RIMBP2: variants seen among roughly 807,000 people sequenced by gnomAD.
The protein encoded by RIMBP2 is RIMS-binding protein 2.
In RIMBP2, 48 loss-of-function variants were observed where a neutral mutation model predicts 118.6. The observed-to-expected ratio is 0.40, with a 90% confidence interval of 0.32 to 0.51. The LOEUF (loss-of-function observed/expected upper bound fraction) is 0.51, where lower values mean the gene tolerates loss of function less well. Ranked by LOEUF, RIMBP2 falls within the 20% of genes least tolerant of loss-of-function variation. The probability of loss-of-function intolerance (pLI) is 0.41; values close to 1 mark genes in which losing one functional copy is unlikely to be tolerated. For missense variants in RIMBP2, 1,551 were observed against 1,768.3 expected, an observed-to-expected ratio of 0.88 and a Z score of 2.20; for synonymous variants, 762 against 742.9, an observed-to-expected ratio of 1.03 and a Z score of -0.42.
chr12:130,424,716 C>A lies in RIMBP2; in HGVS notation c.2555G>T (p.Gly852Val), dbSNP rs1035428970. The change falls in exon 16 of 23, where the codon GGT becomes GTT. Residue 852 changes from glycine to valine, a missense_variant. By Grantham distance (109) the Gly-to-Val change is moderately radical. Coordinates refer to ENST00000690449, the MANE Select transcript of RIMBP2 (RefSeq NM_001393629.1). This position sits in a 1 kb window ranked among gnomAD's most constrained non-coding sequence, Gnocchi z 9.8. Reference sequence around the variant, plus strand: ...CCTGGCCCTGGGGGACGGCCCTGCACCCTGCTTGTGTAGCAGCCCACAGCA... The same window carrying A: ...CCTGGCCCTGGGGGACGGCCCTGCAACCTGCTTGTGTAGCAGCCCACAGCA... Reference protein sequence around the residue: ...GECCGLLHKQGAGPSPRARTG... With the variant: ...GECCGLLHKQVAGPSPRARTG... The A allele has an allele frequency of 8.1e-7, 1 of 1,232,286 alleles. No individual in the cohort carries two copies. The highest frequency in any genetic ancestry group is 1.5e-5 in the African/African-American group (1 of 64,540). 76.3% of individuals were successfully genotyped at this position (1,232,286 alleles called of 1,614,324 possible).
Position 130,450,318 on chromosome 12 carries a change from G to C in RIMBP2, c.505-42C>G, listed in dbSNP as rs553537131. The C allele has an allele frequency of 9.5e-6, 14 of 1,467,698 alleles. No homozygotes were observed. In the South Asian group the frequency reaches 1.3e-4, roughly 14 times the overall value. 90.9% of individuals were successfully genotyped at this position (1,467,698 alleles called of 1,614,324 possible). A position where few individuals can be genotyped will look rare whatever the true frequency, so the allele number is the denominator to read the frequency against. ...GGGTGTGTGGGTTATTGAAGCTGGA[G>C]GTGTCCCACCCCATTCCCGCGGCAC... is the stretch of plus-strand genomic sequence containing the variant. On this transcript the variant is annotated intron_variant, in intron 8 of 22. Coordinates refer to ENST00000690449, the MANE Select transcript of RIMBP2 (RefSeq NM_001393629.1). This position sits in a 1 kb window ranked among gnomAD's most constrained non-coding sequence, Gnocchi z 4.8.
chr12:130,638,669 C>T (rs1232899263), intron 1 of RIMBP2, among the ~76,000 whole-genome samples: 1 of 152,162 alleles, frequency 6.6e-6, no homozygotes, highest in Non-Finnish European at 1.5e-5. Flanking sequence ...CCCTCCCCAT[C>T]TGTTGTCTTC....
chr12:130,527,449 C>A (rs1353978315), intron 2 of RIMBP2, among the ~76,000 whole-genome samples: 3 of 152,206 alleles, frequency 2.0e-5, no homozygotes, highest in African/African-American at 7.2e-5. Context: ...CAGCATTGCA[C>A]ATATGCCAAT....
At position 130,442,183 on chromosome 12, in the gene RIMBP2, C is replaced by G; in HGVS notation, c.1169G>C (p.Ser390Thr). The change falls in exon 11 of 23, where the codon AGC becomes ACC. Residue 390 changes from serine (S) to threonine (T), a missense_variant. By Grantham distance (58) the Ser-to-Thr change is moderately conservative. Coordinates refer to ENST00000690449, the MANE Select transcript of RIMBP2 (RefSeq NM_001393629.1). The surrounding 1 kb of genome is among the most constrained non-coding windows in gnomAD (Gnocchi z 6.9). ...TYRISVQCVT[S>T]RGSSDELQCT... is the part of the protein sequence containing the mutation. ...CTGCAGCTCATCCGAGCTGCCCCTG[C>G]TGGTGACGCACTGCACGGAGATGCG... is the stretch of plus-strand genomic sequence containing the variant. 1.2e-6 allele frequency: 2 copies of G among 1,614,228 alleles called. No homozygotes were observed. The highest frequency in any genetic ancestry group is 1.7e-6 in the Non-Finnish European group (2 of 1,180,052).
chr12:130,688,705 C>G lies in RIMBP2; in HGVS notation c.-352+27517G>C, dbSNP rs2065177193. Among the ~76,000 whole-genome samples, 1 of 152,218 alleles carries G rather than the reference C, an allele frequency of 6.6e-6. No individual in the cohort carries two copies. Among genetic ancestry groups the G allele is most frequent in the South Asian group, 2.1e-4 (1 of 4,832 alleles). On this transcript the variant is annotated intron_variant, in intron 1 of 22. Coordinates refer to ENST00000690449, the MANE Select transcript of RIMBP2 (RefSeq NM_001393629.1). This position sits in a 1 kb window ranked among gnomAD's most constrained non-coding sequence, Gnocchi z 4.7. ...CAGGCAGGGGGACACTAAAACCCCA[C>G]ATTCTAAAGACCCCAAAACAGAGGC... is the stretch of plus-strand genomic sequence containing the variant.
intron 3 of RIMBP2, among the ~76,000 whole-genome samples, chr12:130,509,054 G>A (rs866070994): frequency 6.2e-4 from 95 of 152,210 alleles, no homozygotes; most frequent in African/African-American, 2.1e-3. Context: ...CCGGCCCCCG[G>A]CCCTCCCCAC....
chr12:130,646,456 CACCTCCCTCGCT>C lies in RIMBP2; in HGVS notation c.-351-18012_-351-18001del, dbSNP rs1476924734. On this transcript the variant is annotated intron_variant, in intron 1 of 22. Coordinates refer to ENST00000690449, the MANE Select transcript of RIMBP2 (RefSeq NM_001393629.1). ...CCACCTCCCTTGCCACCTCCCTCGC[CACCTCCCTCGCT>C]ACCTCCCTCACTACTGCAAAAGGGA... Among the ~76,000 whole-genome samples the C allele has an allele frequency of 7.8e-5, 10 of 127,390 alleles. 4 individuals carry two copies. Among genetic ancestry groups the C allele is most frequent in the African/African-American group, 2.6e-4 (10 of 37,812 alleles). 83.6% of individuals were successfully genotyped at this position (127,390 alleles called of 152,430 possible). A position where few individuals can be genotyped will look rare whatever the true frequency, so the allele number is the denominator to read the frequency against.
intron 1 of RIMBP2, among the ~76,000 whole-genome samples, chr12:130,641,985 G>A (rs1046111890): frequency 2.0e-5 from 3 of 152,074 alleles, no homozygotes; most frequent in Non-Finnish European, 4.4e-5. Flanking sequence ...GAAAACTGAG[G>A]CAACCAGAGG....
intron 20 of RIMBP2, 34 bp downstream of exon 20, chr12:130,407,692 G>A: frequency 6.6e-7 from 1 of 1,519,556 alleles, no homozygotes; most frequent in South Asian, 1.1e-5. Flanking sequence ...GGGTGTGGTT[G>A]TGTCCGTCAT....
chr12:130,546,191 C>A (rs2055143199), intron 2 of RIMBP2, among the ~76,000 whole-genome samples: 2 of 146,762 alleles, frequency 1.4e-5, no homozygotes, highest in African/African-American at 2.5e-5. Flanking sequence ...GCAACCTCTG[C>A]CTCCCAGGTT....
chr12:130,596,738 C>T (rs1240340125), intron 2 of RIMBP2, among the ~76,000 whole-genome samples: 2 of 152,222 alleles, frequency 1.3e-5, no homozygotes, highest in Admixed American at 1.3e-4. Flanking sequence ...CACTGATATT[C>T]CTGTGCCATT....
chr12:130,435,332 C>T (rs948778866), intron 13 of RIMBP2, among the ~76,000 whole-genome samples: 1 of 152,204 alleles, frequency 6.6e-6, no homozygotes, highest in Non-Finnish European at 1.5e-5. Flanking sequence ...GCATGAGCCA[C>T]CGCGTCCAGC....
intron 6 of RIMBP2, among the ~76,000 whole-genome samples, chr12:130,468,116 T>C (rs570614704): frequency 6.6e-6 from 1 of 152,314 alleles, no homozygotes; most frequent in East Asian, 1.9e-4. Flanking sequence ...CCACAGGTGG[T>C]TCTTTGATGG....
chr12:130,468,038 C>T (rs543958556), intron 6 of RIMBP2, among the ~76,000 whole-genome samples: 15 of 152,328 alleles, frequency 9.8e-5, no homozygotes, highest in South Asian at 2.1e-4. Context: ...GTTCTGTCTA[C>T]AGAAAGTCAC....
intron 2 of RIMBP2, among the ~76,000 whole-genome samples, chr12:130,583,589 C>A (rs7398988): frequency 0.83 from 124,422 of 150,702 alleles, 51,321 homozygotes; most frequent in South Asian, 0.88. Flanking sequence ...ACCGTTTCAT[C>A]ATCATCATTA....
chr12:130,556,253 G>A (rs1033818368), intron 2 of RIMBP2, among the ~76,000 whole-genome samples: 3 of 152,206 alleles, frequency 2.0e-5, no homozygotes, highest in Non-Finnish European at 4.4e-5. Flanking sequence ...AGGATAAGAA[G>A]CACTGTGGCC....
At chr12:130,482,858 A>T (rs112188477) in intron 4 of RIMBP2, among the ~76,000 whole-genome samples, 167 of 96,716 alleles carry the variant, frequency 1.7e-3, no homozygotes, top group Middle Eastern at 0.011. Context: ...CCTCATCCAA[A>T]TACACCCATT....
chr12:130,508,452 A>C (rs1593578276), intron 3 of RIMBP2, among the ~76,000 whole-genome samples: 2 of 150,530 alleles, frequency 1.3e-5, no homozygotes, highest in African/African-American at 2.5e-5. Context: ...GCTTCTTCCC[A>C]CCCCGGGGCC....
In RIMBP2 at chr12:130,682,744, G is replaced by A. The variant is rs145924490; in HGVS notation, c.-352+33478C>T. On this transcript the variant is annotated intron_variant, in intron 1 of 22. Coordinates refer to ENST00000690449, the MANE Select transcript of RIMBP2 (RefSeq NM_001393629.1). The stretch of plus-strand genomic sequence containing the variant: ...AGTCACTCAGGCATTAGGAGGCAGC[G>A]CCCAATCTCTGCTTCCCAGACTTCT... 9.6e-3 allele frequency among the ~76,000 whole-genome samples: 1,459 copies of A among 152,292 alleles called. 33 individuals carry two copies. The highest frequency in any genetic ancestry group is 0.033 in the African/African-American group (1,375 of 41,556).
Sources: gnomAD v4.1 joint callset for allele counts (sites outside exome capture counted in the v4.1 genomes callset) on GRCh38, gnomAD v4.1.1 for gene constraint, Gnocchi (gnomAD v3.1) non-coding constraint, MANE v1.5 for transcripts, NCBI Gene and HGNC (gene_info 2026-07-23, HGNC 2026-07-21) for gene names.